The following RGS16 variants were observed in gnomAD, a reference collection of about 807,000 sequenced individuals.
The protein encoded by RGS16 is hRGS-r.
RGS16 carries 12 observed loss-of-function variants against 18.1 expected under a neutral mutation model. The ratio of observed to expected loss-of-function variants is 0.66; its 90% CI spans 0.42 to 1.07. The LOEUF (loss-of-function observed/expected upper bound fraction) is 1.07. Among genes scored for constraint, RGS16 ranks in the 50% least tolerant of loss-of-function variants. The probability of loss-of-function intolerance (pLI) is 0.00; values close to 1 mark genes in which losing one functional copy is unlikely to be tolerated. For synonymous variants in RGS16, 88 were observed against 102.0 expected (o/e 0.86, Z 0.83); for missense variants, 238 against 249.2 (o/e 0.95, Z 0.30).
rs758955943 is a variant in RGS16, at chr1:182,600,368, C to T, written c.533G>A (p.Arg178Gln). The T allele has an allele frequency of 2.5e-6, 4 of 1,613,904 alleles. No homozygotes were observed. Among genetic ancestry groups the T allele is most frequent in the East Asian group, 2.2e-5 (1 of 44,848 alleles). The change falls in exon 5 of 5, where the codon CGG (arginine) becomes CAG (glutamine). Residue 178 changes from arginine to glutamine, a missense_variant. Transcript: ENST00000367558. ...GGCTGAGGCTTGGGCAGCCAGGTCC[C>T]GGTAAGCAGGCGACTTCAGGAAGCG... ...YPRFLKSPAY[R>Q]DLAAQASAAS...
rs1216229555 is a variant in RGS16 at position 182,600,254 on chromosome 1, C to T, written c.*38G>A. ...GCCACCTCGGGGATGGGTGACTCAA[C>T]CTCTCTTCCCGGCTGGCTTCCTCAC... is the stretch of plus-strand genomic sequence containing the variant. On this transcript the variant is annotated 3_prime_UTR_variant, in exon 5 of 5. Transcript: ENST00000367558. The T allele has an allele frequency of 2.6e-6, 4 of 1,567,324 alleles. No individual in the cohort carries two copies. The highest frequency in any genetic ancestry group is 1.4e-5 in the African/African-American group (1 of 71,700).
intron 2 of RGS16, 110 bp downstream of exon 2, chr1:182,603,119 G>A: frequency 1.3e-6 from 1 of 793,892 alleles, no homozygotes; most frequent in Non-Finnish European, 2.2e-6. Context: ...CTAGGGAGGT[G>A]TTGCCAAGGT....
At position 182,602,410 on chromosome 1, in the gene RGS16, T is replaced by A. The variant is rs1173288264; in HGVS notation, c.220+10A>T. On this transcript the variant is annotated intron_variant, in intron 3 of 4. Coordinates refer to ENST00000367558, the MANE Select transcript of RGS16 (RefSeq NM_002928.4). ...CCACCCAGAGACAGACACAAAAGGC[T>A]CCTACTCACTTTTACTGCTCAGCAG... The A allele has an allele frequency of 6.2e-7, 1 of 1,612,434 alleles. No homozygotes were observed. The highest frequency in any genetic ancestry group is 2.2e-5 in the East Asian group (1 of 44,858).
rs761087679 is a variant in RGS16 at position 182,602,443 on chromosome 1, A to T, written c.197T>A (p.Phe66Tyr). 27 of 1,613,840 alleles carry T rather than the reference A, an allele frequency of 1.7e-5. No individual in the cohort carries two copies. Among genetic ancestry groups the T allele is most frequent in the Non-Finnish European group, 2.3e-5 (27 of 1,179,916 alleles). The change falls in exon 3 of 5, where the codon TTC becomes TAC. Residue 66 changes from phenylalanine (F) to tyrosine (Y), a missense_variant. Physicochemically the swap from Phe to Tyr is conservative, Grantham distance 22. Coordinates refer to ENST00000367558, the MANE Select transcript of RGS16 (RefSeq NM_002928.4). Reference protein sequence around the residue: ...SEDVLGWRESFDLLLSSKNGV... With the variant: ...SEDVLGWRESYDLLLSSKNGV... ...ACTTTTACTGCTCAGCAGCAGGTCG[A>T]ACGACTCTCTCCACCCCAGCACATC... is the stretch of plus-strand genomic sequence containing the variant.
intron 1 of RGS16, 134 bp downstream of exon 1, chr1:182,604,082 T>A: frequency 1.2e-6 from 1 of 817,530 alleles, no homozygotes; most frequent in Non-Finnish European, 1.9e-6. Flanking sequence ...GCACGTGGCA[T>A]CAAGTGCGCT....
Position 182,599,130 on chromosome 1 carries a change from A to G in RGS16, c.*1162T>C, listed in dbSNP as rs1661817379. The G allele has an allele frequency of 6.6e-6, 1 of 152,492 alleles. No individual in the cohort carries two copies. The highest frequency in any genetic ancestry group is 2.1e-4 in the South Asian group (1 of 4,826). 9.4% of individuals were successfully genotyped at this position (152,492 alleles called of 1,614,324 possible). ...TGACAGGCAGGTTCTGATTATCCCC[A>G]GTCCTGCCCTTCGAAGCAGCCTCTC... On this transcript the variant is annotated 3_prime_UTR_variant, in exon 5 of 5. Transcript: ENST00000367558.
chr1:182,602,073 A>G lies in RGS16; in HGVS notation c.280T>C (p.Phe94Leu). 3 of 1,614,030 alleles carry G rather than the reference A, an allele frequency of 1.9e-6. No homozygotes were observed. The highest frequency in any genetic ancestry group is 2.5e-6 in the Non-Finnish European group (3 of 1,179,992). ...KTEFSEENLE[F>L]WLACEEFKKI... is the part of the protein sequence containing the mutation. ...TTGAACTCCTCACAGGCCAGCCAGA[A>G]CTCCAGGTTCTCCTCACTGAACTCT... is the stretch of plus-strand genomic sequence containing the variant. The change falls in exon 4 of 5, where the codon TTC becomes CTC. Residue 94 changes from phenylalanine (F) to leucine (L), a missense_variant. Physicochemically the swap from Phe to Leu is conservative, Grantham distance 22. Transcript: ENST00000367558.
intron 2 of RGS16, 62 bp downstream of exon 2, chr1:182,603,167 C>T (rs1661894832): frequency 1.7e-6 from 2 of 1,201,672 alleles, no homozygotes; most frequent in South Asian, 2.4e-5. Flanking sequence ...GTATTTCCCT[C>T]CTCATGACTC....
chr1:182,602,367 C>A, intron 3 of RGS16, 53 bp downstream of exon 3: 1 of 1,505,298 alleles, frequency 6.6e-7, no homozygotes, highest in Non-Finnish European at 9.2e-7. Flanking sequence ...GGCTCCAAAG[C>A]ACATGAGTAC....
At position 182,601,947 on chromosome 1, in the gene RGS16, G is replaced by A; in HGVS notation, c.387+19C>T. ...CAGGCAGGGTCGTGAGGATTCACTG[G>A]GCATATGGGGGCTCTAACCTCTTTA... On this transcript the variant is annotated intron_variant, in intron 4 of 4. Coordinates refer to ENST00000367558, the MANE Select transcript of RGS16 (RefSeq NM_002928.4). The A allele has an allele frequency of 6.2e-7, 1 of 1,613,890 alleles. No homozygotes were observed. Among genetic ancestry groups the A allele is most frequent in the East Asian group, 2.2e-5 (1 of 44,878 alleles).
rs569790 is a variant in RGS16 at position 182,602,142 on chromosome 1, C to T, written c.221-10G>A. ...AAGGCAGCCACTCCATCTGGGGTTG[C>T]GGGAAAGAAGAGGAAATAGGTCAGC... On this transcript the variant is annotated splice_polypyrimidine_tract_variant and intron_variant, in intron 3 of 4. Coordinates refer to ENST00000367558, the MANE Select transcript of RGS16 (RefSeq NM_002928.4). 0.38 allele frequency: 610,182 copies of T among 1,612,360 alleles called. 118,953 individuals carry two copies. The highest frequency in any genetic ancestry group is 0.47 in the Middle Eastern group (2,852 of 6,056).
intron 1 of RGS16, 26 bp downstream of exon 1, chr1:182,604,190 C>A: frequency 6.4e-7 from 1 of 1,551,438 alleles, no homozygotes. Context: ...GGACTTCCCC[C>A]AAGCAGTTGG....
At chr1:182,602,870 T>C (rs1661888679) in intron 2 of RGS16, among the ~76,000 whole-genome samples, 1 of 152,368 alleles carries the variant, frequency 6.6e-6, no homozygotes, top group Non-Finnish European at 1.5e-5. Context: ...GTACAGTTGA[T>C]AGCCAATATG....
At position 182,600,249 on chromosome 1, in the gene RGS16, C is replaced by A; in HGVS notation, c.*43G>T. The A allele has an allele frequency of 6.5e-7, 1 of 1,528,202 alleles. No homozygotes were observed. Among genetic ancestry groups the A allele is most frequent in the Non-Finnish European group, 8.9e-7 (1 of 1,126,810 alleles). The allele number at this position is 1,528,202 out of a possible 1,614,324, so 94.7% of individuals were successfully genotyped here. ...GGGCAGCCACCTCGGGGATGGGTGA[C>A]TCAACCTCTCTTCCCGGCTGGCTTC... On this transcript the variant is annotated 3_prime_UTR_variant, in exon 5 of 5. Transcript: ENST00000367558.
chr1:182,603,084 C>G (rs1661893446), intron 2 of RGS16, 145 bp downstream of exon 2: 2 of 678,708 alleles, frequency 2.9e-6, no homozygotes, highest in South Asian at 3.5e-5. Flanking sequence ...TCATAACAGA[C>G]CAGCAACAAG....
rs2102380120 is a variant in RGS16, at chr1:182,600,396, G to A, written c.505C>T (p.Pro169Ser). The A allele has an allele frequency of 6.2e-7, 1 of 1,613,966 alleles. No homozygotes were observed. Among genetic ancestry groups the A allele is most frequent in the South Asian group, 1.1e-5 (1 of 91,072 alleles). Residue 169 changes from proline (P) to serine (S), a missense_variant, in exon 5 of 5, where the codon CCA (proline) becomes TCA (serine). Pro to Ser is a moderately conservative substitution (Grantham distance 74). Coordinates refer to ENST00000367558, the MANE Select transcript of RGS16 (RefSeq NM_002928.4). The part of the protein sequence containing the change: ...TRTLMEKDSY[P>S]RFLKSPAYRD... The stretch of plus-strand genomic sequence containing the variant: ...TAAGCAGGCGACTTCAGGAAGCGTG[G>A]GTAGGAGTCCTTCTCCATCAGGGTA...
intron 1 of RGS16, 50 bp from the exon 2 acceptor site, chr1:182,603,389 G>T: frequency 6.7e-7 from 1 of 1,488,282 alleles, no homozygotes. Flanking sequence ...TGCTCAGCCA[G>T]TGTGGAGAGG....
intron 1 of RGS16, 71 bp from the exon 2 acceptor site, chr1:182,603,410 C>A: frequency 7.7e-7 from 1 of 1,296,604 alleles, no homozygotes; most frequent in African/African-American, 1.5e-5. Flanking sequence ...TTTATGGGTC[C>A]CAGAAGAGCT....
intron 1 of RGS16, 40 bp downstream of exon 1, chr1:182,604,176 G>A: frequency 6.5e-7 from 1 of 1,549,184 alleles, no homozygotes; most frequent in Non-Finnish European, 8.7e-7. Flanking sequence ...CCTAAGAGTT[G>A]GTGGGACTTC....
Sources: allele counts gnomAD v4.1 joint callset (sites outside exome capture counted in the v4.1 genomes callset), GRCh38; gene constraint gnomAD v4.1.1; transcripts MANE v1.5; gene names NCBI Gene and HGNC (gene_info 2026-07-23, HGNC 2026-07-21).